BMP2K: variants seen among roughly 807,000 people sequenced by gnomAD.
BMP2K encodes the protein BMP-2-inducible protein kinase.
BMP2K carries 74 observed loss-of-function variants against 116.0 expected under a neutral mutation model. The observed-to-expected ratio is 0.64, with a 90% confidence interval of 0.53 to 0.77. The LOEUF (loss-of-function observed/expected upper bound fraction) is 0.77, where lower values mean the gene tolerates loss of function less well. Among genes scored for constraint, BMP2K ranks in the 30% least tolerant of loss-of-function variants. The pLI is 0.00. For synonymous variants in BMP2K, 486 were observed against 502.5 expected (o/e 0.97, Z 0.44); for missense variants, 1,365 against 1,403.6 (o/e 0.97, Z 0.44).
chr4:78,845,104 T>C (rs1730937930), intron 5 of BMP2K, 55 bp downstream of exon 5: 1 of 1,449,566 alleles, frequency 6.9e-7, no homozygotes, highest in Non-Finnish European at 9.5e-7. Context: ...TTAACTTGAG[T>C]CTCTGGCCAG....
intron 13 of BMP2K, among the ~76,000 whole-genome samples, chr4:78,873,960 A>C (rs1323055143): frequency 6.6e-6 from 1 of 152,098 alleles, no homozygotes; most frequent in African/African-American, 2.4e-5. Flanking sequence ...CAGGCGGATC[A>C]CGAGGTCAGG....
chr4:78,907,241 T>C (rs1396485124), intron 15 of BMP2K, among the ~76,000 whole-genome samples: 4 of 152,202 alleles, frequency 2.6e-5, no homozygotes, highest in Non-Finnish European at 5.9e-5. Context: ...CTGACAATTA[T>C]AAATGTGTAT....
chr4:78,810,914 A>G (rs1729060329), intron 1 of BMP2K, among the ~76,000 whole-genome samples: 1 of 152,140 alleles, frequency 6.6e-6, no homozygotes, highest in Admixed American at 6.6e-5. Flanking sequence ...TTTTTTTAAT[A>G]AAGGAGCAAA....
At position 78,913,195 on chromosome 4, in the gene BMP2K, A is replaced by C. The variant is rs572127541; in HGVS notation, c.*1162A>C. On this transcript the variant is annotated 3_prime_UTR_variant, in exon 16 of 16. Coordinates refer to ENST00000502613, the MANE Select transcript of BMP2K (RefSeq NM_198892.2). ...AATGGTGACACCCACAAAGCCTTAT[A>C]TAAAGGCAGGATTCATGCATCCTGC... 2.6e-5 allele frequency: 4 copies of C among 152,290 alleles called. No individual in the cohort carries two copies. In the East Asian group the frequency reaches 7.7e-4, roughly 29 times the overall value. The allele number at this position is 152,290 out of a possible 1,614,324, so 9.4% of individuals were successfully genotyped here. A position where few individuals can be genotyped will look rare whatever the true frequency, so the allele number is the denominator to read the frequency against.
chr4:78,862,732 C>T (rs901670084), intron 9 of BMP2K, among the ~76,000 whole-genome samples: 7 of 151,984 alleles, frequency 4.6e-5, no homozygotes, highest in East Asian at 3.8e-4. Context: ...ATTTCATTTG[C>T]GAATGACTTA....
At chr4:78,821,213 T>G (rs1729601154) in intron 1 of BMP2K, among the ~76,000 whole-genome samples, 2 of 152,214 alleles carry the variant, frequency 1.3e-5, no homozygotes, top group Non-Finnish European at 2.9e-5. Flanking sequence ...TTTTTATGTC[T>G]GTTCTTTTTA....
intron 1 of BMP2K, among the ~76,000 whole-genome samples, chr4:78,806,336 C>T (rs879284722): frequency 4.6e-5 from 7 of 151,994 alleles, no homozygotes; most frequent in African/African-American, 1.7e-4. Context: ...TTACTATGCC[C>T]AGTGAATTTA....
At chr4:78,814,038 C>T (rs550276510) in intron 1 of BMP2K, among the ~76,000 whole-genome samples, 5 of 152,110 alleles carry the variant, frequency 3.3e-5, no homozygotes, top group Non-Finnish European at 5.9e-5. Flanking sequence ...GATGCTCCAG[C>T]AATGTAAGAA....
At chr4:78,901,575 C>T (rs917644654) in intron 15 of BMP2K, among the ~76,000 whole-genome samples, 3 of 152,266 alleles carry the variant, frequency 2.0e-5, no homozygotes, top group African/African-American at 7.2e-5. Context: ...GTGTTGACTA[C>T]AGTATACTCA....
At chr4:78,835,578 G>A (rs1481685173) in intron 3 of BMP2K, among the ~76,000 whole-genome samples, 2 of 146,354 alleles carry the variant, frequency 1.4e-5, no homozygotes, top group African/African-American at 5.1e-5. Context: ...GCAATGAGCC[G>A]AGATCGCGCC....
chr4:78,849,845 G>A (rs1249710246), intron 6 of BMP2K, among the ~76,000 whole-genome samples: 2 of 151,446 alleles, frequency 1.3e-5, no homozygotes, highest in Non-Finnish European at 3.0e-5. Flanking sequence ...GCAATCTTTT[G>A]TAAATTACTG....
intron 2 of BMP2K, among the ~76,000 whole-genome samples, chr4:78,832,719 A>C (rs1412984956): frequency 6.6e-6 from 1 of 152,058 alleles, no homozygotes; most frequent in Non-Finnish European, 1.5e-5. Context: ...GCACACTCAA[A>C]TCTTGTGCTT....
chr4:78,779,535 G>A (rs1257539527), intron 1 of BMP2K, among the ~76,000 whole-genome samples: 1 of 152,182 alleles, frequency 6.6e-6, no homozygotes, highest in Non-Finnish European at 1.5e-5. Flanking sequence ...GAATGTGCAC[G>A]TCAGTAGACT....
chr4:78,862,494 T>C (rs2110047742), intron 9 of BMP2K, among the ~76,000 whole-genome samples: 1 of 152,172 alleles, frequency 6.6e-6, no homozygotes, highest in African/African-American at 2.4e-5. Flanking sequence ...GAATGACTAT[T>C]GTGAAACTAC....
At chr4:78,857,840 C>T (rs1352821370) in intron 7 of BMP2K, among the ~76,000 whole-genome samples, 4 of 151,968 alleles carry the variant, frequency 2.6e-5, no homozygotes, top group Non-Finnish European at 5.9e-5. Flanking sequence ...ATTAGATACA[C>T]TGTGATTCAT....
rs538102569 is a variant in BMP2K, at chr4:78,870,852, A to G, written c.1301A>G (p.Gln434Arg). 1.1e-4 allele frequency: 181 copies of G among 1,614,172 alleles called. 2 individuals are homozygous for G. In the South Asian group the frequency reaches 1.8e-3, roughly 16 times the overall value. ...GQGPPQQPPQ[Q>R]HRVLQQLQQG... The stretch of plus-strand genomic sequence containing the variant: ...GGACCTCCTCAGCAGCCGCCACAGC[A>G]GCATAGAGTACTCCAGCAACTACAG... The change falls in exon 11 of 16, where the codon CAG (glutamine) becomes CGG (arginine). Residue 434 changes from glutamine (Q) to arginine (R), a missense_variant. Transcript: ENST00000502613.
intron 2 of BMP2K, among the ~76,000 whole-genome samples, chr4:78,829,809 TCTC>T (rs1181121522): frequency 1.4e-5 from 2 of 141,486 alleles, no homozygotes; most frequent in African/African-American, 2.9e-5. Context: ...TCTCTTCTCT[TCTC>T]TTCTCTTCTC....
rs1382406873 is a variant in BMP2K, at chr4:78,916,353, A to G, written c.*4320A>G. On this transcript the variant is annotated 3_prime_UTR_variant, in exon 16 of 16. Coordinates refer to ENST00000502613, the MANE Select transcript of BMP2K (RefSeq NM_198892.2). The stretch of plus-strand genomic sequence containing the variant: ...ATGCAATAAATCCCAAATGGATTGC[A>G]TATTCTTTATAATCAGTGACTTTGG... 1 of 151,990 alleles carries G rather than the reference A, an allele frequency of 6.6e-6. No individual in the cohort carries two copies. Among genetic ancestry groups the G allele is most frequent in the Non-Finnish European group, 1.5e-5 (1 of 67,898 alleles). The allele number at this position is 151,990 out of a possible 1,614,324, so 9.4% of individuals were successfully genotyped here.
intron 1 of BMP2K, among the ~76,000 whole-genome samples, chr4:78,800,806 G>C (rs1422624129): frequency 6.6e-6 from 1 of 152,070 alleles, no homozygotes; most frequent in Non-Finnish European, 1.5e-5. Flanking sequence ...TTGTATACAA[G>C]TGTTTAAATA....
Sources: allele counts gnomAD v4.1 joint callset (sites outside exome capture counted in the v4.1 genomes callset), GRCh38; gene constraint gnomAD v4.1.1; transcripts MANE v1.5; gene names NCBI Gene and HGNC (gene_info 2026-07-23, HGNC 2026-07-21).